GNAO1: variants seen among roughly 807,000 people sequenced by gnomAD.
The protein encoded by GNAO1 is guanine nucleotide-binding protein G(o) subunit alpha.
For synonymous variants in GNAO1, 164 were observed against 180.7 expected (o/e 0.91, Z 0.74); for missense variants, 166 against 478.7 (o/e 0.35, Z 6.10).
At chr16:56,344,723 G>A (rs1467096271) in intron 6 of GNAO1, 2 of 985,598 alleles carry the variant, frequency 2.0e-6, no homozygotes, top group Non-Finnish European at 1.2e-6. Flanking sequence ...CTCCCGCCCA[G>A]TCCTCGCAGG....
chr16:56,210,774 CTTA>C (rs1247501053), intron 2 of GNAO1, among the ~76,000 whole-genome samples: 1 of 152,062 alleles, frequency 6.6e-6, no homozygotes. Context: ...CATTTGTGTT[CTTA>C]TTGTTGAATT....
intron 2 of GNAO1, among the ~76,000 whole-genome samples, chr16:56,243,067 T>A (rs1429502220): frequency 6.6e-6 from 1 of 151,872 alleles, no homozygotes; most frequent in South Asian, 2.1e-4. Context: ...ATGCTTCTTA[T>A]AAGAATCTAA....
chr16:56,269,208 A>T lies in GNAO1; in HGVS notation c.162-6723A>T, dbSNP rs563138188. The stretch of plus-strand genomic sequence containing the variant: ...GTGTTCATTTGGTAAATGGTAAATG[A>T]GCAGATTCTCTGCTTTGGTCCGGAG... On this transcript the variant is annotated intron_variant, in intron 2 of 8. Transcript: ENST00000262493. 2.6e-5 allele frequency among the ~76,000 whole-genome samples: 4 copies of T among 152,268 alleles called. No homozygotes were observed. In the East Asian group the frequency reaches 7.7e-4, roughly 29 times the overall value.
intron 3 of GNAO1, among the ~76,000 whole-genome samples, chr16:56,315,660 G>C (rs929182545): frequency 1.3e-5 from 2 of 152,064 alleles, no homozygotes; most frequent in Non-Finnish European, 2.9e-5. Context: ...GACAGACAGC[G>C]TCCCCACCCC....
chr16:56,314,862 G>A (rs2037493451), intron 3 of GNAO1, among the ~76,000 whole-genome samples: 2 of 152,146 alleles, frequency 1.3e-5, no homozygotes, highest in African/African-American at 4.8e-5. Context: ...CGCTGATCTA[G>A]CCAATCCCTT....
At chr16:56,318,211 TG>T (rs1190674243) in intron 3 of GNAO1, among the ~76,000 whole-genome samples, 3 of 152,182 alleles carry the variant, frequency 2.0e-5, no homozygotes, top group Non-Finnish European at 2.9e-5. Flanking sequence ...GGCTCTCTCC[TG>T]TGCCGGAGAG....
chr16:56,327,357 A>G (rs2037644916), intron 3 of GNAO1, among the ~76,000 whole-genome samples: 1 of 152,024 alleles, frequency 6.6e-6, no homozygotes, highest in Non-Finnish European at 1.5e-5. Flanking sequence ...CATACTCAAC[A>G]TCAAGCAGAC....
At chr16:56,312,200 C>T (rs555396350) in intron 3 of GNAO1, among the ~76,000 whole-genome samples, 2 of 152,316 alleles carry the variant, frequency 1.3e-5, no homozygotes, top group African/African-American at 2.4e-5. Flanking sequence ...ATGTGGGCTC[C>T]GGAGTCAGGC....
chr16:56,348,330 C>A, intron 6 of GNAO1: 1 of 261,728 alleles, frequency 3.8e-6, no homozygotes, highest in Non-Finnish European at 5.9e-6. Flanking sequence ...CACACTCCTG[C>A]TGGGGACAGA....
chr16:56,344,189 C>T (rs992516039), intron 6 of GNAO1: 1 of 1,419,468 alleles, frequency 7.0e-7, no homozygotes, highest in Non-Finnish European at 9.2e-7. Flanking sequence ...ACTCCACGCT[C>T]ACAGCCTCTG....
intron 2 of GNAO1, among the ~76,000 whole-genome samples, chr16:56,196,499 A>G (rs1366197303): frequency 1.3e-5 from 2 of 152,246 alleles, no homozygotes; most frequent in African/African-American, 4.8e-5. Context: ...TAGAATTGAC[A>G]GAATATCACT....
At chr16:56,265,076 G>A (rs2036939361) in intron 2 of GNAO1, among the ~76,000 whole-genome samples, 1 of 152,110 alleles carries the variant, frequency 6.6e-6, no homozygotes, top group Admixed American at 6.5e-5. Context: ...GTGGTTTTCT[G>A]CCTCCCTTGG....
At chr16:56,327,333 G>A (rs759838414) in intron 3 of GNAO1, among the ~76,000 whole-genome samples, 6 of 152,066 alleles carry the variant, frequency 3.9e-5, no homozygotes, top group Non-Finnish European at 8.8e-5. Context: ...TGTGGGCCAC[G>A]GCGAGTCCTG....
chr16:56,337,251 C>T (rs1463336836), intron 6 of GNAO1, among the ~76,000 whole-genome samples: 3 of 152,260 alleles, frequency 2.0e-5, no homozygotes, highest in African/African-American at 7.2e-5. Flanking sequence ...TGACAGCCAT[C>T]CCTGGGGCAC....
At chr16:56,292,525 C>A (rs1332223965) in intron 3 of GNAO1, among the ~76,000 whole-genome samples, 1 of 152,236 alleles carries the variant, frequency 6.6e-6, no homozygotes, top group East Asian at 1.9e-4. Flanking sequence ...CCATACCCAG[C>A]TAATTTTTGT....
chr16:56,207,174 T>C (rs976451988), intron 2 of GNAO1, among the ~76,000 whole-genome samples: 1 of 152,262 alleles, frequency 6.6e-6, no homozygotes, highest in African/African-American at 2.4e-5. Context: ...AATAATTCAG[T>C]ATAGCAGTGT....
chr16:56,350,111 G>T (rs563445362), intron 6 of GNAO1, among the ~76,000 whole-genome samples: 1 of 152,140 alleles, frequency 6.6e-6, no homozygotes, highest in African/African-American at 2.4e-5. Context: ...CTGCTCAGAG[G>T]GGGGCGGTGT....
intron 2 of GNAO1, among the ~76,000 whole-genome samples, chr16:56,225,832 G>A (rs924731856): frequency 1.3e-5 from 2 of 152,088 alleles, no homozygotes; most frequent in South Asian, 2.1e-4. Flanking sequence ...CCAGCACTGA[G>A]TGCCATGAAG....
At chr16:56,197,505 A>C (rs1457481243) in intron 2 of GNAO1, among the ~76,000 whole-genome samples, 3 of 152,168 alleles carry the variant, frequency 2.0e-5, no homozygotes, top group African/African-American at 7.2e-5. Context: ...CAAATAGTCC[A>C]CCCGATCTCC....
Sources: gnomAD v4.1 joint callset for allele counts (sites outside exome capture counted in the v4.1 genomes callset) on GRCh38, gnomAD v4.1.1 for gene constraint, MANE v1.5 for transcripts, NCBI Gene and HGNC (gene_info 2026-07-23, HGNC 2026-07-21) for gene names.